Variants in DISC1 observed in about 807,000 individuals in gnomAD.
The protein encoded by DISC1 is DISC1 scaffold protein.
A neutral mutation model predicts 84.5 loss-of-function variants in DISC1; 57 were observed. That is an observed-to-expected ratio of 0.67 (90% CI 0.55 to 0.84). The LOEUF is 0.84. DISC1 is among the 40% of genes least tolerant of loss of function. The probability of loss-of-function intolerance (pLI) is 0.00; values close to 1 mark genes in which losing one functional copy is unlikely to be tolerated. For missense variants in DISC1, 1,000 were observed against 1,057.8 expected (o/e 0.95, Z 0.76); for synonymous variants, 411 against 415.2 (o/e 0.99, Z 0.12).
chr1:231,902,414 A>T (rs2088254554), intron 9 of DISC1, among the ~76,000 whole-genome samples: 2 of 152,264 alleles, frequency 1.3e-5, no homozygotes, highest in South Asian at 4.2e-4. Context: ...CAGTCTGGCC[A>T]ACATGATGAA....
At chr1:231,804,614 T>C (rs2125670121) in intron 8 of DISC1, among the ~76,000 whole-genome samples, 1 of 152,252 alleles carries the variant, frequency 6.6e-6, no homozygotes, top group Middle Eastern at 3.4e-3. Context: ...AGCTCCTGGC[T>C]CAATGTCTCT....
intron 8 of DISC1, among the ~76,000 whole-genome samples, chr1:231,817,565 A>G (rs1426461250): frequency 6.6e-6 from 1 of 152,200 alleles, no homozygotes; most frequent in Non-Finnish European, 1.5e-5. Context: ...TTGTCTCAGC[A>G]GTTTTTGAAA....
rs375643665 is a variant in DISC1 at position 231,907,250 on chromosome 1, T to C, written c.1982-51578T>C. Among the ~76,000 whole-genome samples the C allele has an allele frequency of 2.6e-5, 4 of 151,786 alleles. No individual in the cohort carries two copies. The East Asian group carries it at 7.7e-4, about 29-fold the overall frequency. ...GTTACATATGTATACATGTGCCATG[T>C]TGGTGTGCTGCACCCATTAACTCAT... On this transcript the variant is annotated intron_variant, in intron 9 of 12. Coordinates refer to ENST00000439617, the MANE Select transcript of DISC1 (RefSeq NM_018662.3).
chr1:231,954,869 G>A lies in DISC1; in HGVS notation c.1982-3959G>A, dbSNP rs1572322756. On this transcript the variant is annotated intron_variant, in intron 9 of 12. Transcript: ENST00000439617. This position sits in a 1 kb window ranked among gnomAD's most constrained non-coding sequence, Gnocchi z 4.8. ...ATGCAAGGTACTTTTAGGCTGTCTG[G>A]CTGGGAGATAAGTTGGGTCCAAAGA... Among the ~76,000 whole-genome samples, 3 of 152,198 alleles carry A rather than the reference G, an allele frequency of 2.0e-5. No homozygotes were observed. The highest frequency in any genetic ancestry group is 7.2e-5 in the African/African-American group (3 of 41,446).
intron 9 of DISC1, among the ~76,000 whole-genome samples, chr1:231,867,319 C>T (rs555835728): frequency 5.6e-4 from 85 of 152,314 alleles, no homozygotes; most frequent in Non-Finnish European, 1.1e-3. Context: ...AATTGTTTAG[C>T]ATGCAACGGA....
chr1:231,722,554 T>C (rs1206700867), intron 3 of DISC1: 2 of 1,614,148 alleles, frequency 1.2e-6, no homozygotes, highest in Non-Finnish European at 1.7e-6. Flanking sequence ...ACCAATTGCT[T>C]TGGATCCACC....
chr1:232,021,330 CTA>C (rs1491256292), intron 11 of DISC1, among the ~76,000 whole-genome samples: 2 of 115,548 alleles, frequency 1.7e-5, no homozygotes, highest in African/African-American at 3.8e-5. Context: ...TGTACTTGTT[CTA>C]TACACACACA....
At position 231,879,747 on chromosome 1, in the gene DISC1, G is replaced by T. The variant is rs148424448; in HGVS notation, c.1981+61230G>T. On this transcript the variant is annotated intron_variant, in intron 9 of 12. Transcript: ENST00000439617. The stretch of plus-strand genomic sequence containing the variant: ...TTCAAGACATAGGCAGGAAACAGAT[G>T]GGTGGTCTATGATTGGTTAGATGGT... Among the ~76,000 whole-genome samples the T allele has an allele frequency of 4.3e-3, 656 of 152,252 alleles. 3 individuals carry two copies. The highest frequency in any genetic ancestry group is 0.02 in the Middle Eastern group (6 of 294).
At chr1:231,642,350 T>C (rs571621984) in intron 1 of DISC1, among the ~76,000 whole-genome samples, 56 of 150,678 alleles carry the variant, frequency 3.7e-4, no homozygotes, top group Non-Finnish European at 6.3e-4. Flanking sequence ...AGAAAGGGGC[T>C]CCCACAGTGC....
At chr1:232,015,194 A>G (rs576024320) in intron 11 of DISC1, among the ~76,000 whole-genome samples, 2 of 152,116 alleles carry the variant, frequency 1.3e-5, no homozygotes, top group Non-Finnish European at 2.9e-5. Context: ...CACCTGCCCA[A>G]GGGAAGGAAG....
chr1:231,720,606 C>T (rs1363104482), intron 3 of DISC1, among the ~76,000 whole-genome samples: 1 of 152,166 alleles, frequency 6.6e-6, no homozygotes, highest in Non-Finnish European at 1.5e-5. Context: ...TCTCAAAGTG[C>T]TGGGATTACA....
chr1:231,914,669 C>T (rs1363208207), intron 9 of DISC1, among the ~76,000 whole-genome samples: 1 of 152,200 alleles, frequency 6.6e-6, no homozygotes, highest in African/African-American at 2.4e-5. Context: ...CGTGATTATA[C>T]AGGGACACGA....
intron 9 of DISC1, among the ~76,000 whole-genome samples, chr1:231,912,782 T>G (rs989819442): frequency 2.7e-5 from 4 of 150,154 alleles, no homozygotes; most frequent in Non-Finnish European, 4.4e-5. Flanking sequence ...TCTTTCTTTC[T>G]TTCTTTCTTT....
intron 9 of DISC1, among the ~76,000 whole-genome samples, chr1:231,926,149 G>T (rs1335572113): frequency 6.6e-6 from 1 of 152,174 alleles, no homozygotes; most frequent in East Asian, 1.9e-4. Flanking sequence ...ACCCAAGATT[G>T]TTGCTCTCAG....
intron 6 of DISC1, among the ~76,000 whole-genome samples, chr1:231,772,527 T>G (rs1246902871): frequency 1.3e-5 from 2 of 152,172 alleles, no homozygotes; most frequent in African/African-American, 2.4e-5. Context: ...CTCACTCAAC[T>G]CATTATTGGC....
At chr1:231,665,052 G>T (rs1285208952) in intron 1 of DISC1, among the ~76,000 whole-genome samples, 1 of 152,074 alleles carries the variant, frequency 6.6e-6, no homozygotes, top group Non-Finnish European at 1.5e-5. Context: ...AGTGTACATG[G>T]CATCCTTTGC....
At chr1:231,641,423 G>C (rs188488934) in intron 1 of DISC1, among the ~76,000 whole-genome samples, 56 of 152,226 alleles carry the variant, frequency 3.7e-4, no homozygotes, top group African/African-American at 1.3e-3. Flanking sequence ...GTTCCTCCTT[G>C]TAGGTTCGTG....
chr1:231,658,919 G>A (rs2061352483), intron 1 of DISC1, among the ~76,000 whole-genome samples: 1 of 152,138 alleles, frequency 6.6e-6, no homozygotes, highest in Admixed American at 6.5e-5. Context: ...TGTTCATTAA[G>A]GATATCGGCC....
intron 9 of DISC1, chr1:231,819,155 A>C (rs1049363762): frequency 1.0e-6 from 1 of 984,462 alleles, no homozygotes; most frequent in African/African-American, 1.7e-5. Context: ...GAGATGGTAA[A>C]AACTTATTTC....
Sources: allele counts gnomAD v4.1 joint callset (sites outside exome capture counted in the v4.1 genomes callset), GRCh38; gene constraint gnomAD v4.1.1; non-coding constraint Gnocchi (gnomAD v3.1); transcripts MANE v1.5; gene names NCBI Gene and HGNC (gene_info 2026-07-23, HGNC 2026-07-21).